Variants in MEI4 observed in about 807,000 individuals in gnomAD.
MEI4 encodes meiosis-specific protein MEI4.
Under a neutral mutation model 31.4 loss-of-function variants are expected in MEI4, and 27 were observed. That is an observed-to-expected ratio of 0.86 (90% CI 0.63 to 1.19). The LOEUF is 1.19. MEI4 is among the 50% of genes most tolerant of loss of function. The probability of loss-of-function intolerance (pLI) is 0.00; values close to 1 mark genes in which losing one functional copy is unlikely to be tolerated. For missense variants in MEI4, 329 were observed against 398.9 expected, an observed-to-expected ratio of 0.82 and a Z score of 1.49; for synonymous variants, 122 against 145.4, an observed-to-expected ratio of 0.84 and a Z score of 1.16.
intron 2 of MEI4, among the ~76,000 whole-genome samples, chr6:77,742,477 T>C (rs563208244): frequency 1.3e-5 from 2 of 152,356 alleles, no homozygotes; most frequent in Non-Finnish European, 2.9e-5. Flanking sequence ...TGTTTGTTTT[T>C]TCTTGTAAAT....
At chr6:77,701,744 A>G (rs892327100) in intron 2 of MEI4, among the ~76,000 whole-genome samples, 10 of 152,140 alleles carry the variant, frequency 6.6e-5, no homozygotes, top group Admixed American at 2.0e-4. Flanking sequence ...AAAAAATCAA[A>G]CTAAATTAAT....
intron 4 of MEI4, among the ~76,000 whole-genome samples, chr6:77,862,144 C>T (rs530415158): frequency 9.2e-5 from 14 of 151,856 alleles, no homozygotes; most frequent in South Asian, 8.3e-4. Flanking sequence ...ACGTGAGTGA[C>T]GAAGAAGACA....
chr6:77,702,953 C>T (rs1160719338), intron 2 of MEI4, among the ~76,000 whole-genome samples: 1 of 152,170 alleles, frequency 6.6e-6, no homozygotes. Context: ...CTTTTGTCTT[C>T]ACTAACTACC....
intron 4 of MEI4, among the ~76,000 whole-genome samples, chr6:77,894,781 G>GT (rs1766045237): frequency 1.3e-5 from 2 of 152,140 alleles, no homozygotes; most frequent in African/African-American, 4.8e-5. Context: ...ATTTTTCAAA[G>GT]TTTAAGCACT....
chr6:77,709,329 G>T (rs1766404526), intron 2 of MEI4, among the ~76,000 whole-genome samples: 1 of 152,120 alleles, frequency 6.6e-6, no homozygotes, highest in African/African-American at 2.4e-5. Context: ...TTGCATTTGT[G>T]TCCTCTTGTG....
At chr6:77,845,050 G>A (rs547653668) in intron 4 of MEI4, among the ~76,000 whole-genome samples, 2 of 152,246 alleles carry the variant, frequency 1.3e-5, no homozygotes, top group East Asian at 3.9e-4. Flanking sequence ...ACCTTGCCCT[G>A]TGAGTCTTTT....
chr6:77,903,331 A>G (rs1456050245), intron 4 of MEI4, among the ~76,000 whole-genome samples: 1 of 152,094 alleles, frequency 6.6e-6, no homozygotes, highest in African/African-American at 2.4e-5. Flanking sequence ...AGGACTGTTC[A>G]GTTAATTATG....
intron 4 of MEI4, among the ~76,000 whole-genome samples, chr6:77,836,781 A>C (rs1770227994): frequency 6.6e-6 from 1 of 152,114 alleles, no homozygotes. Context: ...CATATCTAAG[A>C]TCTACGAAGC....
At chr6:77,865,918 G>T (rs1234957457) in intron 4 of MEI4, among the ~76,000 whole-genome samples, 1 of 152,140 alleles carries the variant, frequency 6.6e-6, no homozygotes, top group East Asian at 1.9e-4. Flanking sequence ...TGCAAGGCTG[G>T]TTCAACATAT....
intron 4 of MEI4, among the ~76,000 whole-genome samples, chr6:77,920,125 G>A (rs933073225): frequency 6.6e-6 from 1 of 150,728 alleles, no homozygotes; most frequent in Non-Finnish European, 1.5e-5. Flanking sequence ...TAGAAAAAGA[G>A]GGAATCCTCC....
chr6:77,712,591 A>T (rs968918647), intron 2 of MEI4, among the ~76,000 whole-genome samples: 9 of 152,222 alleles, frequency 5.9e-5, no homozygotes, highest in African/African-American at 2.2e-4. Context: ...ATAGATACTA[A>T]TGAATGATCA....
At chr6:77,783,024 G>A (rs1203009134) in intron 3 of MEI4, among the ~76,000 whole-genome samples, 1 of 151,874 alleles carries the variant, frequency 6.6e-6, no homozygotes, top group East Asian at 1.9e-4. Flanking sequence ...TTATGTTTGT[G>A]GTCAACTGCA....
rs1169655520 is a variant in MEI4 at position 77,761,053 on chromosome 6, A to G, written c.233-77A>G. On this transcript the variant is annotated intron_variant, in intron 2 of 4. Transcript: ENST00000684080. Reference sequence around the variant, plus strand: ...TATATACTTCATTTCTTATTTTAAGATAAGTATCAATGGCTAGTTTTACAT... The same window carrying G: ...TATATACTTCATTTCTTATTTTAAGGTAAGTATCAATGGCTAGTTTTACAT... 6 of 957,764 alleles carry G rather than the reference A, an allele frequency of 6.3e-6. No homozygotes were observed. The African/African-American group carries it at 8.5e-5, about 14-fold the overall frequency. 59.3% of individuals were successfully genotyped at this position (957,764 alleles called of 1,614,324 possible). A position where few individuals can be genotyped will look rare whatever the true frequency, so the allele number is the denominator to read the frequency against.
intron 1 of MEI4, among the ~76,000 whole-genome samples, chr6:77,681,501 T>C (rs1341660038): frequency 6.6e-6 from 1 of 152,222 alleles, no homozygotes; most frequent in African/African-American, 2.4e-5. Context: ...TGGATTTACA[T>C]AGTGGAATGT....
chr6:77,694,099 A>T (rs559838569), intron 2 of MEI4, among the ~76,000 whole-genome samples: 1 of 152,150 alleles, frequency 6.6e-6, no homozygotes, highest in South Asian at 2.1e-4. Flanking sequence ...TCTTTTTTTT[A>T]AATGTGAATA....
At chr6:77,808,100 G>C (rs1284981959) in intron 3 of MEI4, among the ~76,000 whole-genome samples, 1 of 152,146 alleles carries the variant, frequency 6.6e-6, no homozygotes, top group Non-Finnish European at 1.5e-5. Flanking sequence ...ATTGCCTGTT[G>C]TCCTAGAGTA....
intron 1 of MEI4, among the ~76,000 whole-genome samples, chr6:77,662,925 A>G (rs540645356): frequency 7.2e-6 from 1 of 138,918 alleles, no homozygotes; most frequent in East Asian, 2.1e-4. Flanking sequence ...GAAGCTTTGC[A>G]GCAGTACAGC....
chr6:77,792,487 A>G (rs1768963720), intron 3 of MEI4, among the ~76,000 whole-genome samples: 2 of 151,958 alleles, frequency 1.3e-5, no homozygotes, highest in Admixed American at 1.3e-4. Flanking sequence ...TGTCTTTTTG[A>G]TGGTAATCAT....
At chr6:77,694,975 T>G (rs2127653664) in intron 2 of MEI4, among the ~76,000 whole-genome samples, 1 of 151,916 alleles carries the variant, frequency 6.6e-6, no homozygotes, top group South Asian at 2.1e-4. Context: ...TGAGATGGTA[T>G]CTCATTGTGG....
Sources: allele counts gnomAD v4.1 joint callset (sites outside exome capture counted in the v4.1 genomes callset), GRCh38; gene constraint gnomAD v4.1.1; transcripts MANE v1.5; gene names NCBI Gene and HGNC (gene_info 2026-07-23, HGNC 2026-07-21).